The following HOPX variants were observed in gnomAD, a reference collection of about 807,000 sequenced individuals.
HOPX encodes the protein HOP homeobox, also known as homeodomain-only protein.
HOPX carries 5 observed loss-of-function variants against 11.8 expected under a neutral mutation model. That is an observed-to-expected ratio of 0.43 (90% CI 0.22 to 0.89). HOPX has a LOEUF of 0.89. HOPX is among the 40% of genes least tolerant of loss of function. The probability of loss-of-function intolerance (pLI) is 0.28; values close to 1 mark genes in which losing one functional copy is unlikely to be tolerated. For synonymous variants in HOPX, 49 were observed against 49.7 expected (o/e 0.99, Z 0.06); for missense variants, 119 against 120.0 (o/e 0.99, Z 0.04).
At chr4:56,665,653 C>G (rs1206388737) in intron 1 of HOPX, 3 of 152,206 alleles carry the variant, frequency 2.0e-5, no homozygotes, top group Admixed American at 6.5e-5. Flanking sequence ...TGAATAATTA[C>G]TGTGTGCCAG....
At chr4:56,650,406 C>T (rs1253474124) in intron 3 of HOPX, 8 of 353,482 alleles carry the variant, frequency 2.3e-5, no homozygotes, top group Non-Finnish European at 3.6e-5. Flanking sequence ...TATACAGATA[C>T]TCAGAATGAA....
At chr4:56,651,086 T>C (rs1051436456) in intron 3 of HOPX, 1 of 290,056 alleles carries the variant, frequency 3.4e-6, no homozygotes, top group Non-Finnish European at 6.4e-6. Context: ...AGGAGGAAAA[T>C]CTCACTTTCT....
At chr4:56,678,389 A>C (rs1370567061) in intron 1 of HOPX, among the ~76,000 whole-genome samples, 4 of 149,340 alleles carry the variant, frequency 2.7e-5, no homozygotes, top group Non-Finnish European at 4.4e-5. Context: ...CCAGGGCTGC[A>C]CACCTGGGGA....
intron 2 of HOPX, 44 bp from the exon 3 acceptor site, chr4:56,656,056 C>A (rs11555049): frequency 6.9e-7 from 1 of 1,452,444 alleles, no homozygotes; most frequent in Non-Finnish European, 9.1e-7. Flanking sequence ...AGGCGTGGAG[C>A]GGGCGGGACG....
intron 1 of HOPX, chr4:56,663,518 C>T (rs1486121105): frequency 6.6e-6 from 1 of 152,154 alleles, no homozygotes; most frequent in Non-Finnish European, 1.5e-5. Context: ...CAGAGTCTCG[C>T]ACTGTCCCAC....
chr4:56,670,382 C>A (rs897311348), intron 1 of HOPX, among the ~76,000 whole-genome samples: 1 of 152,114 alleles, frequency 6.6e-6, no homozygotes, highest in Non-Finnish European at 1.5e-5. Context: ...TCAATATTTT[C>A]TAAAGAGAAC....
chr4:56,679,807 T>C (rs1206563904), intron 1 of HOPX: 2 of 152,204 alleles, frequency 1.3e-5, no homozygotes, highest in African/African-American at 4.8e-5. Context: ...TTAGTTTGCA[T>C]TTTCTATCAT....
At chr4:56,657,212 G>A (rs780224287) in intron 2 of HOPX, among the ~76,000 whole-genome samples, 1 of 152,190 alleles carries the variant, frequency 6.6e-6, no homozygotes, top group Non-Finnish European at 1.5e-5. Context: ...ATGCATGAAG[G>A]TATAGAAAGT....
chr4:56,669,578 G>A (rs1718620738), intron 1 of HOPX, among the ~76,000 whole-genome samples: 3 of 152,024 alleles, frequency 2.0e-5, no homozygotes, highest in African/African-American at 7.2e-5. Flanking sequence ...AGAATTACTT[G>A]AACCCAGGAG....
chr4:56,650,428 C>T (rs1717051106), intron 3 of HOPX: 1 of 427,386 alleles, frequency 2.3e-6, no homozygotes, highest in Non-Finnish European at 4.2e-6. Flanking sequence ...AGGATGGGCT[C>T]TAGGAAGCTG....
At chr4:56,666,140 T>G (rs532209142) in intron 1 of HOPX, among the ~76,000 whole-genome samples, 1 of 152,266 alleles carries the variant, frequency 6.6e-6, no homozygotes, top group South Asian at 2.1e-4. Context: ...GTGATTTCAG[T>G]TAAAACCACC....
At chr4:56,668,374 GC>G (rs1237728353) in intron 1 of HOPX, among the ~76,000 whole-genome samples, 2 of 152,204 alleles carry the variant, frequency 1.3e-5, no homozygotes, top group African/African-American at 4.8e-5. Context: ...GAGTTACTTT[GC>G]ATTTTCTTCT....
At chr4:56,667,271 G>A (rs933295756) in intron 1 of HOPX, among the ~76,000 whole-genome samples, 5 of 151,940 alleles carry the variant, frequency 3.3e-5, no homozygotes, top group African/African-American at 1.2e-4. Flanking sequence ...CCCCAATATC[G>A]GAAATCTATT....
intron 1 of HOPX, among the ~76,000 whole-genome samples, chr4:56,674,916 T>TAAAA (rs33940899): frequency 1.6e-5 from 2 of 121,748 alleles, no homozygotes; most frequent in Admixed American, 1.7e-4. Flanking sequence ...TCTGGCTAAC[T>TAAAA]AAAAAAAAAA....
chr4:56,681,380 A>G, upstream of HOPX: 2 of 985,428 alleles, frequency 2.0e-6, no homozygotes, highest in Non-Finnish European at 2.4e-6. Context: ...GCCTATGAGC[A>G]CACACTCGAG....
intron 3 of HOPX, chr4:56,649,956 G>C (rs1717002281): frequency 6.6e-6 from 1 of 152,254 alleles, no homozygotes; most frequent in Admixed American, 6.5e-5. Flanking sequence ...TGAGGACAGA[G>C]CTCTATGGGA....
chr4:56,651,878 G>GTGTT (rs1717222843), intron 3 of HOPX, among the ~76,000 whole-genome samples: 1 of 107,478 alleles, frequency 9.3e-6, no homozygotes, highest in Non-Finnish European at 2.0e-5. Flanking sequence ...GAGAGAGTGT[G>GTGTT]TGTGTGTGTG....
intron 1 of HOPX, among the ~76,000 whole-genome samples, chr4:56,671,843 A>C (rs1718751627): frequency 6.6e-6 from 1 of 152,104 alleles, no homozygotes; most frequent in South Asian, 2.1e-4. Context: ...CAGCTCTATC[A>C]CATAGTCTCC....
At chr4:56,654,486 A>G (rs1717490134) in intron 3 of HOPX, among the ~76,000 whole-genome samples, 1 of 152,114 alleles carries the variant, frequency 6.6e-6, no homozygotes, top group Non-Finnish European at 1.5e-5. Flanking sequence ...CAAATGATAA[A>G]ATTTCAGCAG....
Sources: gnomAD v4.1 joint callset for allele counts (sites outside exome capture counted in the v4.1 genomes callset) on GRCh38, gnomAD v4.1.1 for gene constraint, MANE v1.5 for transcripts, NCBI Gene and HGNC (gene_info 2026-07-23, HGNC 2026-07-21) for gene names.